KIF16B: variants seen among roughly 807,000 people sequenced by gnomAD.
KIF16B encodes the protein kinesin family member 16B.
A neutral mutation model predicts 156.3 loss-of-function variants in KIF16B; 98 were observed. The observed-to-expected ratio is 0.63, with a 90% confidence interval of 0.53 to 0.74. KIF16B has a LOEUF of 0.74. Among genes scored for constraint, KIF16B ranks in the 30% least tolerant of loss-of-function variants. KIF16B has a pLI of 0.00. For synonymous variants in KIF16B, 564 were observed against 583.7 expected (o/e 0.97, Z 0.49); for missense variants, 1,421 against 1,606.5 (o/e 0.88, Z 1.97).
At chr20:16,440,942 C>A (rs1265013257) in intron 12 of KIF16B, among the ~76,000 whole-genome samples, 1 of 152,188 alleles carries the variant, frequency 6.6e-6, no homozygotes. Flanking sequence ...TTAAATTATG[C>A]AAAATGCATA....
At chr20:16,380,555 CATT>C (rs1389469937) in intron 18 of KIF16B, among the ~76,000 whole-genome samples, 1 of 152,174 alleles carries the variant, frequency 6.6e-6, no homozygotes, top group Non-Finnish European at 1.5e-5. Flanking sequence ...TACAAGACAA[CATT>C]AAATAAAAAT....
At chr20:16,436,544 T>C (rs1008212714) in intron 12 of KIF16B, among the ~76,000 whole-genome samples, 2 of 152,112 alleles carry the variant, frequency 1.3e-5, no homozygotes, top group African/African-American at 4.8e-5. Flanking sequence ...AATAGGAAAA[T>C]CAATTCTGTT....
intron 25 of KIF16B, among the ~76,000 whole-genome samples, chr20:16,285,978 T>C (rs751193281): frequency 1.8e-4 from 28 of 152,350 alleles, no homozygotes; most frequent in Middle Eastern, 3.4e-3. Flanking sequence ...CAGAAGTACA[T>C]AGTTTCTCAT....
At chr20:16,367,906 C>T in intron 22 of KIF16B, 1 of 1,476,942 alleles carries the variant, frequency 6.8e-7, no homozygotes, top group Non-Finnish European at 8.9e-7. Flanking sequence ...AACACTCTGT[C>T]CACCAAAGCC....
chr20:16,511,411 C>G lies in KIF16B; in HGVS notation c.556+7G>C. The G allele has an allele frequency of 6.7e-7, 1 of 1,496,666 alleles. No homozygotes were observed. Among genetic ancestry groups the G allele is most frequent in the South Asian group, 1.2e-5 (1 of 82,820 alleles). 92.7% of individuals were successfully genotyped at this position (1,496,666 alleles called of 1,614,324 possible). On this transcript the variant is annotated splice_region_variant and intron_variant, in intron 6 of 25. Transcript: ENST00000354981. ...AAAGAATATGGCTGTGAAATATCTACTCTTACCCTCAACATAAGGGCCTTC... is the reference window on the plus strand; with the variant it reads ...AAAGAATATGGCTGTGAAATATCTAGTCTTACCCTCAACATAAGGGCCTTC...
At chr20:16,291,897 C>T (rs912472281) in intron 25 of KIF16B, among the ~76,000 whole-genome samples, 1 of 152,192 alleles carries the variant, frequency 6.6e-6, no homozygotes, top group Non-Finnish European at 1.5e-5. Flanking sequence ...CAGAAGCAGA[C>T]TTCCTGTTGC....
At chr20:16,544,207 C>G (rs2070312259) in intron 1 of KIF16B, among the ~76,000 whole-genome samples, 1 of 152,120 alleles carries the variant, frequency 6.6e-6, no homozygotes, top group South Asian at 2.1e-4. Context: ...TTCCTTCTTG[C>G]AGGTCTCACA....
intron 1 of KIF16B, among the ~76,000 whole-genome samples, chr20:16,554,436 C>G (rs112099490): frequency 6.6e-6 from 1 of 152,124 alleles, no homozygotes; most frequent in African/African-American, 2.4e-5. Context: ...CTCTGCTGAG[C>G]GCTGAACGCT....
intron 15 of KIF16B, among the ~76,000 whole-genome samples, chr20:16,417,773 C>CA (rs1269607294): frequency 4.6e-5 from 7 of 151,342 alleles, no homozygotes; most frequent in Non-Finnish European, 8.8e-5. Flanking sequence ...ATGGAGATGA[C>CA]AAAAAAAGTC....
intron 24 of KIF16B, among the ~76,000 whole-genome samples, chr20:16,315,856 T>C (rs937371432): frequency 6.6e-6 from 1 of 152,072 alleles, no homozygotes; most frequent in African/African-American, 2.4e-5. Context: ...ATGATAGAAA[T>C]GTGAGCTAAT....
At chr20:16,372,725 C>T (rs1359087171) in intron 20 of KIF16B, among the ~76,000 whole-genome samples, 2 of 152,174 alleles carry the variant, frequency 1.3e-5, no homozygotes, top group Non-Finnish European at 2.9e-5. Context: ...GAGACAGAGT[C>T]TCGCTCTTGT....
At chr20:16,363,694 C>G (rs2144887) in intron 22 of KIF16B, among the ~76,000 whole-genome samples, 102,869 of 151,724 alleles carry the variant, frequency 0.68, 36,075 homozygotes, top group East Asian at 0.97. Flanking sequence ...ACTGCCCCTT[C>G]TGAATAGGTC....
At chr20:16,423,278 T>G (rs1342175127) in intron 15 of KIF16B, among the ~76,000 whole-genome samples, 1 of 152,194 alleles carries the variant, frequency 6.6e-6, no homozygotes, top group African/African-American at 2.4e-5. Flanking sequence ...AAAACAAATG[T>G]TGACTAGTTC....
At chr20:16,438,848 T>C (rs919858813) in intron 12 of KIF16B, among the ~76,000 whole-genome samples, 2 of 152,198 alleles carry the variant, frequency 1.3e-5, no homozygotes, top group Non-Finnish European at 2.9e-5. Flanking sequence ...ATGTTCTACA[T>C]CCCTGCAAAG....
intron 24 of KIF16B, among the ~76,000 whole-genome samples, chr20:16,334,616 G>T (rs1342322875): frequency 6.6e-6 from 1 of 152,160 alleles, no homozygotes; most frequent in Non-Finnish European, 1.5e-5. Flanking sequence ...TGGAGGTGGG[G>T]CCTAGTAGGA....
rs140804455 is a variant in KIF16B at position 16,379,872 on chromosome 20, T to C, written c.2130A>G (p.Gln710=). The C allele has an allele frequency of 7.5e-4, 1,206 of 1,614,242 alleles. 6 individuals are homozygous for C. The highest frequency in any genetic ancestry group is 3.4e-3 in the South Asian group (306 of 91,090). ...CGTTGTTGTTGAGTTCTTTGAGTCG[T>C]TGGAGTTCTTCTTGGACGCGGAGAA... ...ETFLRVQEEL[Q]RLKELNNNEK... Residue 710 remains glutamine, a synonymous_variant, in exon 19 of 26, where the codon CAA becomes CAG. Coordinates refer to ENST00000354981, the MANE Select transcript of KIF16B (RefSeq NM_024704.5).
At chr20:16,570,860 G>A (rs1167169005) in intron 1 of KIF16B, among the ~76,000 whole-genome samples, 1 of 152,132 alleles carries the variant, frequency 6.6e-6, no homozygotes, top group Non-Finnish European at 1.5e-5. Flanking sequence ...ATATCCCAAT[G>A]TCCAATCCCT....
chr20:16,497,079 A>G (rs1386227707), intron 11 of KIF16B, among the ~76,000 whole-genome samples: 1 of 152,094 alleles, frequency 6.6e-6, no homozygotes, highest in East Asian at 1.9e-4. Context: ...ATGGGCACAC[A>G]CATTGGCTTT....
intron 23 of KIF16B, among the ~76,000 whole-genome samples, chr20:16,346,415 A>T (rs2064235749): frequency 6.6e-6 from 1 of 152,196 alleles, no homozygotes; most frequent in Non-Finnish European, 1.5e-5. Flanking sequence ...ATGCAAATGC[A>T]TCACCGACAA....
Sources: allele counts gnomAD v4.1 joint callset (sites outside exome capture counted in the v4.1 genomes callset), GRCh38; gene constraint gnomAD v4.1.1; transcripts MANE v1.5; gene names NCBI Gene and HGNC (gene_info 2026-07-23, HGNC 2026-07-21).